NAP1L1: variants seen among roughly 807,000 people sequenced by gnomAD.
NAP1L1 encodes nucleosome assembly protein 1 like 1.
A neutral mutation model predicts 58.9 loss-of-function variants in NAP1L1; 9 were observed. The observed-to-expected ratio is 0.15, with a 90% CI of 0.09 to 0.27. The LOEUF (loss-of-function observed/expected upper bound fraction) is 0.27. NAP1L1 is among the 10% of genes least tolerant of loss of function. NAP1L1 has a pLI of 1.00. For synonymous variants in NAP1L1, 130 were observed against 138.3 expected (o/e 0.94, Z 0.42); for missense variants, 302 against 458.8 (o/e 0.66, Z 3.12).
chr12:76,074,155 CAA>C lies in NAP1L1; in HGVS notation c.17+46_17+47del, dbSNP rs754031536. 18 of 1,437,860 alleles carry C rather than the reference CAA, an allele frequency of 1.3e-5. 1 individual carries two copies. The Admixed American group carries it at 1.9e-4, about 15-fold the overall frequency. The allele number at this position is 1,437,860 out of a possible 1,614,324, so 89.1% of individuals were successfully genotyped here. On this transcript the variant is annotated intron_variant, in intron 2 of 14. Transcript: ENST00000618691. Reference sequence around the variant, plus strand: ...ACTACTTGCTGTTAAGAACAGAGTACAAAGTGATGCCAAATCTCTGAAAAAGA... The same window carrying C: ...ACTACTTGCTGTTAAGAACAGAGTACAGTGATGCCAAATCTCTGAAAAAGA...
rs184867216 is a variant in NAP1L1 at position 76,043,065 on chromosome 12, T to A, written c.*5364A>T. The A allele has an allele frequency of 6.6e-6, 1 of 152,330 alleles. No individual in the cohort carries two copies. Among genetic ancestry groups the A allele is most frequent in the East Asian group, 1.9e-4 (1 of 5,192 alleles). The allele number at this position is 152,330 out of a possible 1,614,324, so 9.4% of individuals were successfully genotyped here. On this transcript the variant is annotated 3_prime_UTR_variant, in exon 15 of 15. Transcript: ENST00000618691. ...CTTTTGTTCTTGGCTAAGTAAATTATCTTAACAGCTAACAGCGTCTTGTTC... is the reference window on the plus strand; with the variant it reads ...CTTTTGTTCTTGGCTAAGTAAATTAACTTAACAGCTAACAGCGTCTTGTTC...
intron 4 of NAP1L1, among the ~76,000 whole-genome samples, chr12:76,063,352 CT>C (rs1565731228): frequency 6.6e-6 from 1 of 152,146 alleles, no homozygotes; most frequent in Non-Finnish European, 1.5e-5. Context: ...ATGCCATTAA[CT>C]TTGGAACCAG....
intron 6 of NAP1L1, chr12:76,059,471 A>C: frequency 4.0e-6 from 1 of 247,704 alleles, no homozygotes; most frequent in Admixed American, 5.3e-5. Context: ...AGAAAATGAC[A>C]GTTTTAATGC....
chr12:76,053,880 G>C lies in NAP1L1; in HGVS notation c.660C>G (p.Pro220=), dbSNP rs1205098254. ...MSFVLEFHFE[P]NEYFTNEVLT... is the part of the protein sequence containing the mutation. The stretch of plus-strand genomic sequence containing the variant: ...GCACTTCATTTGTAAAATATTCATT[G>C]GGTTCAAAGTGAAATTCTAAGACAA... The change falls in exon 9 of 15, where the codon CCC becomes CCG. Residue 220 remains proline, a synonymous_variant. Coordinates refer to ENST00000618691, the MANE Select transcript of NAP1L1 (RefSeq NM_004537.7). The C allele has an allele frequency of 6.3e-7, 1 of 1,595,644 alleles. No homozygotes were observed. The highest frequency in any genetic ancestry group is 1.1e-5 in the South Asian group (1 of 86,994).
intron 1 of NAP1L1, among the ~76,000 whole-genome samples, chr12:76,079,314 C>A (rs1950311877): frequency 6.6e-6 from 1 of 152,084 alleles, no homozygotes; most frequent in Admixed American, 6.5e-5. Context: ...TCGCTTGAGG[C>A]CAGGAGTTCA....
At chr12:76,077,130 G>C (rs1950211057) in intron 1 of NAP1L1, among the ~76,000 whole-genome samples, 1 of 152,132 alleles carries the variant, frequency 6.6e-6, no homozygotes, top group Non-Finnish European at 1.5e-5. Flanking sequence ...TCACAGAATG[G>C]CTACACTGCT....
chr12:76,053,108 G>C lies in NAP1L1; in HGVS notation c.919C>G (p.Pro307Ala), dbSNP rs1265742986. 1.2e-5 allele frequency: 19 copies of C among 1,611,222 alleles called. No homozygotes were observed. The highest frequency in any genetic ancestry group is 1.4e-5 in the Non-Finnish European group (17 of 1,178,332). The change falls in exon 11 of 15, where the codon CCT becomes GCT. Residue 307 changes from proline (P) to alanine (A), a missense_variant and splice_region_variant. By Grantham distance (27) the Pro-to-Ala change is conservative. Coordinates refer to ENST00000618691, the MANE Select transcript of NAP1L1 (RefSeq NM_004537.7). ...FFNFFAPPEV[P>A]ESGDLDDDAE... ...CAACTTACCAGATCTCCACTCTCAGGAACTGCAAAATTGAGAAAAGAAATT... is the reference window on the plus strand; with the variant it reads ...CAACTTACCAGATCTCCACTCTCAGCAACTGCAAAATTGAGAAAAGAAATT...
At position 76,038,239 on chromosome 12, in the gene NAP1L1, G is replaced by C. The variant is rs1049116324; in HGVS notation, c.*10190C>G. On this transcript the variant is annotated 3_prime_UTR_variant, in exon 15 of 15. Transcript: ENST00000618691. Reference sequence around the variant, plus strand: ...CCTCTGTCCCCACTGAAGAGCCCAAGAACACCTACCACCTTTCCTAAGTAT... The same window carrying C: ...CCTCTGTCCCCACTGAAGAGCCCAACAACACCTACCACCTTTCCTAAGTAT... 1.8e-4 allele frequency: 27 copies of C among 152,130 alleles called. No individual in the cohort carries two copies. Among genetic ancestry groups the C allele is most frequent in the African/African-American group, 5.8e-4 (24 of 41,432 alleles). 9.4% of individuals were successfully genotyped at this position (152,130 alleles called of 1,614,324 possible). A position where few individuals can be genotyped will look rare whatever the true frequency, so the allele number is the denominator to read the frequency against.
At position 76,050,646 on chromosome 12, in the gene NAP1L1, T is replaced by A; in HGVS notation, c.944A>T (p.Asp315Val). The change falls in exon 12 of 15, where the codon GAT becomes GTT. Residue 315 changes from aspartate to valine, a missense_variant. Coordinates refer to ENST00000618691, the MANE Select transcript of NAP1L1 (RefSeq NM_004537.7). ...EVPESGDLDDDAEAILAADFE... is the reference protein window; with the variant it reads ...EVPESGDLDDVAEAILAADFE... ...GTCTGCAGCAAGGATAGCTTCAGCA[T>A]CATCATCCTATTTTTAAAGGAAAAC... The A allele has an allele frequency of 3.1e-6, 5 of 1,594,616 alleles. No homozygotes were observed. Among genetic ancestry groups the A allele is most frequent in the South Asian group, 2.3e-5 (2 of 87,096 alleles).
intron 1 of NAP1L1, among the ~76,000 whole-genome samples, 200 bp downstream of exon 1, chr12:76,084,367 C>T (rs963962188): frequency 8.5e-5 from 13 of 152,142 alleles, no homozygotes; most frequent in African/African-American, 3.1e-4. Flanking sequence ...AAGCGCTGGT[C>T]GGCCCCGGGG....
intron 13 of NAP1L1, 23 bp downstream of exon 13, chr12:76,049,733 T>G: frequency 6.2e-7 from 1 of 1,611,908 alleles, no homozygotes; most frequent in Non-Finnish European, 8.5e-7. Context: ...CAGAGAATTA[T>G]TTGCTCATTT....
rs927234072 is a variant in NAP1L1 at position 76,082,133 on chromosome 12, C to T, written c.-21+2434G>A. 7.2e-5 allele frequency among the ~76,000 whole-genome samples: 11 copies of T among 152,122 alleles called. No homozygotes were observed. The South Asian group carries it at 1.2e-3, about 17-fold the overall frequency. On this transcript the variant is annotated intron_variant, in intron 1 of 14. Coordinates refer to ENST00000618691, the MANE Select transcript of NAP1L1 (RefSeq NM_004537.7). ...TATTGATGAGTCATTCTCTCTAATC[C>T]TTTGTTTCAAATTTACAACCAAGAA...
chr12:76,066,938 A>G (rs1383129336), intron 4 of NAP1L1, among the ~76,000 whole-genome samples: 2 of 152,164 alleles, frequency 1.3e-5, no homozygotes, highest in Non-Finnish European at 2.9e-5. Flanking sequence ...GAACTAGGCA[A>G]CATTTAGAAG....
intron 3 of NAP1L1, 126 bp downstream of exon 3, chr12:76,068,783 A>T: frequency 1.0e-5 from 5 of 499,076 alleles, no homozygotes; most frequent in Non-Finnish European, 1.7e-5. Context: ...CACACACTAG[A>T]AGTATGGACC....
In NAP1L1 at chr12:76,036,963, G is replaced by A. The variant is rs2136929659; in HGVS notation, c.*11466C>T. On this transcript the variant is annotated 3_prime_UTR_variant, in exon 15 of 15. Transcript: ENST00000618691. ...AGCGCCTGTAATCCCAGCTACTCGG[G>A]AGGCTGAGGCAGGAGAATTGCTTGA... 1 of 152,066 alleles carries A rather than the reference G, an allele frequency of 6.6e-6. No homozygotes were observed. The highest frequency in any genetic ancestry group is 2.4e-5 in the African/African-American group (1 of 41,498). The allele number at this position is 152,066 out of a possible 1,614,324, so 9.4% of individuals were successfully genotyped here. A position where few individuals can be genotyped will look rare whatever the true frequency, so the allele number is the denominator to read the frequency against.
chr12:76,075,834 G>T (rs1032930816), intron 1 of NAP1L1, among the ~76,000 whole-genome samples: 1 of 151,888 alleles, frequency 6.6e-6, no homozygotes, highest in African/African-American at 2.4e-5. Flanking sequence ...CTTTTCTGGA[G>T]AGCAACCTGA....
chr12:76,072,223 G>A (rs1357802038), intron 2 of NAP1L1, among the ~76,000 whole-genome samples: 1 of 142,314 alleles, frequency 7.0e-6, no homozygotes, highest in African/African-American at 2.6e-5. Context: ...AAATGTAAGA[G>A]CAAATGGACT....
intron 6 of NAP1L1, chr12:76,059,545 T>C (rs1592643763): frequency 5.3e-6 from 2 of 378,814 alleles, no homozygotes; most frequent in Non-Finnish European, 9.4e-6. Flanking sequence ...TTGTGGTGTT[T>C]TAAACTGCTG....
In NAP1L1 at chr12:76,036,642, A is replaced by G. The variant is rs1363102402; in HGVS notation, c.*11787T>C. ...ATTACAAAATTCTGATCTGTAAACCAATTTGCAATATACAGTAGAAACTCA... is the reference window on the plus strand; with the variant it reads ...ATTACAAAATTCTGATCTGTAAACCGATTTGCAATATACAGTAGAAACTCA... On this transcript the variant is annotated 3_prime_UTR_variant, in exon 15 of 15. Coordinates refer to ENST00000618691, the MANE Select transcript of NAP1L1 (RefSeq NM_004537.7). 6.6e-6 allele frequency: 1 copy of G among 152,222 alleles called. No individual in the cohort carries two copies. Among genetic ancestry groups the G allele is most frequent in the African/African-American group, 2.4e-5 (1 of 41,460 alleles). 9.4% of individuals were successfully genotyped at this position (152,222 alleles called of 1,614,324 possible). A position where few individuals can be genotyped will look rare whatever the true frequency, so the allele number is the denominator to read the frequency against.
Sources: allele counts gnomAD v4.1 joint callset (sites outside exome capture counted in the v4.1 genomes callset), GRCh38; gene constraint gnomAD v4.1.1; transcripts MANE v1.5; gene names NCBI Gene and HGNC (gene_info 2026-07-23, HGNC 2026-07-21).